Variants in GULP1 observed in about 807,000 individuals in gnomAD.
GULP1 encodes GULP PTB domain containing engulfment adaptor 1.
A neutral mutation model predicts 40.9 loss-of-function variants in GULP1; 19 were observed. The ratio of observed to expected loss-of-function variants is 0.46; its 90% CI spans 0.32 to 0.68. The LOEUF is 0.68. GULP1 is among the 30% of genes least tolerant of loss of function. GULP1 has a pLI of 0.03. For missense variants in GULP1, 312 were observed against 362.2 expected (o/e 0.86, Z 1.12); for synonymous variants, 119 against 117.6 (o/e 1.01, Z -0.08).
rs1251283534 is a variant in GULP1 at position 188,595,596 on chromosome 2, T to C, written c.*1585T>C. 6.6e-6 allele frequency: 1 copy of C among 152,184 alleles called. No individual in the cohort carries two copies. Among genetic ancestry groups the C allele is most frequent in the Non-Finnish European group, 1.5e-5 (1 of 67,740 alleles). 9.4% of individuals were successfully genotyped at this position (152,184 alleles called of 1,614,324 possible). A position where few individuals can be genotyped will look rare whatever the true frequency, so the allele number is the denominator to read the frequency against. ...GTATAATAAGGATGTTTAGAAGCCA[T>C]ATAAGTGGCTTTTTTTAACAGATAG... On this transcript the variant is annotated 3_prime_UTR_variant, in exon 12 of 12. Transcript: ENST00000409830.
chr2:188,301,121 C>G (rs2036061513), intron 1 of GULP1, among the ~76,000 whole-genome samples: 1 of 152,154 alleles, frequency 6.6e-6, no homozygotes, highest in Non-Finnish European at 1.5e-5. Context: ...CTCAAGTAAT[C>G]CTCCCACTTC....
chr2:188,581,416 TTC>T (rs1474535207), intron 9 of GULP1, among the ~76,000 whole-genome samples: 6 of 152,176 alleles, frequency 3.9e-5, no homozygotes, highest in Non-Finnish European at 8.8e-5. Context: ...AGCAGGCACC[TTC>T]TCTCTGGCCT....
chr2:188,519,983 G>A (rs1011411735), intron 4 of GULP1, among the ~76,000 whole-genome samples: 5 of 152,070 alleles, frequency 3.3e-5, no homozygotes, highest in African/African-American at 1.2e-4. Context: ...CTATGATTCT[G>A]TCATTCAATC....
intron 1 of GULP1, among the ~76,000 whole-genome samples, chr2:188,320,906 C>T (rs981139755): frequency 1.9e-4 from 28 of 150,678 alleles, no homozygotes; most frequent in African/African-American, 6.3e-4. Flanking sequence ...TTTGTACTCT[C>T]CTCCTCCAGA....
intron 4 of GULP1, among the ~76,000 whole-genome samples, chr2:188,483,890 C>G (rs2061634715): frequency 6.6e-6 from 1 of 151,968 alleles, no homozygotes; most frequent in Non-Finnish European, 1.5e-5. Context: ...ATGTAATTAT[C>G]ATTCAAGAAA....
At chr2:188,513,844 A>G (rs1202032795) in intron 4 of GULP1, among the ~76,000 whole-genome samples, 2 of 152,062 alleles carry the variant, frequency 1.3e-5, no homozygotes, top group South Asian at 2.1e-4. Flanking sequence ...CTTTGATTCA[A>G]TGTTGTTTTA....
chr2:188,393,072 G>A (rs1051911466), intron 2 of GULP1, among the ~76,000 whole-genome samples: 3 of 151,784 alleles, frequency 2.0e-5, no homozygotes, highest in South Asian at 2.1e-4. Flanking sequence ...TGGATAGAAT[G>A]TTCTGTAAAT....
rs112458009 is a variant in GULP1, at chr2:188,576,153, C to A, written c.609+6033C>A. ...TTCACTTTTGCCTACGTTATTTCTG[C>A]CAACTAGACAGCCAATTGGAGATGC... On this transcript the variant is annotated intron_variant, in intron 9 of 11. Coordinates refer to ENST00000409830, the MANE Select transcript of GULP1 (RefSeq NM_016315.4). 4.6e-5 allele frequency among the ~76,000 whole-genome samples: 7 copies of A among 152,084 alleles called. 1 individual carries two copies. The highest frequency in any genetic ancestry group is 1.7e-4 in the African/African-American group (7 of 41,494).
At chr2:188,315,543 C>A (rs2106457328) in intron 1 of GULP1, among the ~76,000 whole-genome samples, 1 of 152,062 alleles carries the variant, frequency 6.6e-6, no homozygotes, top group South Asian at 2.1e-4. Context: ...TAATCATTGT[C>A]TTTATAGCAC....
At chr2:188,363,982 CT>C (rs1171739455) in intron 1 of GULP1, among the ~76,000 whole-genome samples, 2 of 152,098 alleles carry the variant, frequency 1.3e-5, no homozygotes, top group Non-Finnish European at 2.9e-5. Context: ...AACATTGCAG[CT>C]TTTTAAAAGG....
At chr2:188,425,395 A>G (rs2056052073) in intron 2 of GULP1, among the ~76,000 whole-genome samples, 2 of 152,144 alleles carry the variant, frequency 1.3e-5, no homozygotes, top group Admixed American at 1.3e-4. Flanking sequence ...AGTCTCCTCA[A>G]CTTTGAACTA....
chr2:188,516,330 T>A (rs2065168638), intron 4 of GULP1, among the ~76,000 whole-genome samples: 1 of 152,202 alleles, frequency 6.6e-6, no homozygotes, highest in Non-Finnish European at 1.5e-5. Flanking sequence ...TTATTGCTGA[T>A]GTGAAGAAGT....
chr2:188,577,826 G>A (rs951200619), intron 9 of GULP1, among the ~76,000 whole-genome samples: 2 of 152,006 alleles, frequency 1.3e-5, no homozygotes, highest in Non-Finnish European at 2.9e-5. Flanking sequence ...AAGTGATATT[G>A]AAGATACATT....
rs539210726 is a variant in GULP1 at position 188,553,408 on chromosome 2, T to A, written c.399+12090T>A. ...TGAACTTTATCAAATTCTTTTTCTG[T>A]GTCTATTGAGATGATTATTTTTTGT... On this transcript the variant is annotated intron_variant, in intron 7 of 11. Coordinates refer to ENST00000409830, the MANE Select transcript of GULP1 (RefSeq NM_016315.4). Among the ~76,000 whole-genome samples the A allele has an allele frequency of 5.3e-5, 8 of 152,178 alleles. No homozygotes were observed. In the East Asian group the frequency reaches 1.5e-3, roughly 29 times the overall value.
intron 1 of GULP1, among the ~76,000 whole-genome samples, chr2:188,377,498 T>C (rs1239260193): frequency 2.0e-5 from 3 of 152,194 alleles, no homozygotes; most frequent in African/African-American, 4.8e-5. Context: ...CTTAGGAGAA[T>C]TGGCCATATT....
intron 10 of GULP1, among the ~76,000 whole-genome samples, chr2:188,586,881 A>T: frequency 6.6e-6 from 1 of 151,824 alleles, no homozygotes; most frequent in East Asian, 1.9e-4. Flanking sequence ...TTAATTTTTT[A>T]ATTTTTTAAT....
chr2:188,555,081 TA>T (rs1694406662), intron 7 of GULP1, among the ~76,000 whole-genome samples: 1 of 152,102 alleles, frequency 6.6e-6, no homozygotes, highest in Non-Finnish European at 1.5e-5. Flanking sequence ...TTGGATCATT[TA>T]AAAAATCAAT....
At chr2:188,431,368 TGAA>T (rs2056850039) in intron 2 of GULP1, among the ~76,000 whole-genome samples, 1 of 152,268 alleles carries the variant, frequency 6.6e-6, no homozygotes, top group East Asian at 1.9e-4. Context: ...AAAAAAATGT[TGAA>T]GAAGAGAGTT....
intron 4 of GULP1, among the ~76,000 whole-genome samples, chr2:188,509,489 C>T (rs1575678525): frequency 6.6e-6 from 1 of 152,012 alleles, no homozygotes; most frequent in Non-Finnish European, 1.5e-5. Flanking sequence ...ATCATTAGCC[C>T]ACACTCATTT....
Sources: gnomAD v4.1 joint callset for allele counts (sites outside exome capture counted in the v4.1 genomes callset) on GRCh38, gnomAD v4.1.1 for gene constraint, MANE v1.5 for transcripts, NCBI Gene and HGNC (gene_info 2026-07-23, HGNC 2026-07-21) for gene names.